TFCP2: variants seen among roughly 807,000 people sequenced by gnomAD.
TFCP2 encodes the protein alpha-globin transcription factor CP2.
Under a neutral mutation model 73.4 loss-of-function variants are expected in TFCP2, and 33 were observed. The ratio of observed to expected loss-of-function variants is 0.45; its 90% CI spans 0.34 to 0.60. The LOEUF is 0.60. TFCP2 is among the 20% of genes least tolerant of loss of function. TFCP2 has a pLI of 0.01. For synonymous variants in TFCP2, 193 were observed against 211.6 expected (o/e 0.91, Z 0.76); for missense variants, 352 against 604.0 (o/e 0.58, Z 4.37).
chr12:51,117,572 C>A, intron 3 of TFCP2, 99 bp downstream of exon 3: 1 of 877,898 alleles, frequency 1.1e-6, no homozygotes, highest in Non-Finnish European at 1.8e-6. Context: ...TACCATTAAG[C>A]CATTGGAAGC....
chr12:51,106,648 C>A, intron 7 of TFCP2, 35 bp from the exon 8 acceptor site: 4 of 1,537,810 alleles, frequency 2.6e-6, no homozygotes, highest in Non-Finnish European at 3.6e-6. Flanking sequence ...AATGAACGAG[C>A]ACATATGACC....
intron 11 of TFCP2, 94 bp from the exon 12 acceptor site, chr12:51,099,873 G>C (rs1940067633): frequency 6.9e-7 from 1 of 1,453,214 alleles, no homozygotes; most frequent in Non-Finnish European, 9.2e-7. Flanking sequence ...TAATCGTATA[G>C]AGCAGATGAA....
chr12:51,096,800 G>A (rs1939974473), intron 13 of TFCP2, among the ~76,000 whole-genome samples: 1 of 151,734 alleles, frequency 6.6e-6, no homozygotes, highest in Non-Finnish European at 1.5e-5. Context: ...TATATCTAGA[G>A]GAAAAAAACA....
chr12:51,124,685 C>G (rs776139795), intron 1 of TFCP2: 1 of 639,280 alleles, frequency 1.6e-6, no homozygotes, highest in Non-Finnish European at 2.9e-6. Flanking sequence ...GGCCGTCCCC[C>G]GCGGTGGCCA....
intron 4 of TFCP2, among the ~76,000 whole-genome samples, chr12:51,114,854 GA>G (rs1175958441): frequency 6.6e-6 from 1 of 151,552 alleles, no homozygotes; most frequent in Admixed American, 6.6e-5. Context: ...AAGAGGTCAA[GA>G]GATTGAGACT....
At chr12:51,133,882 A>G (rs972573791) in intron 1 of TFCP2, among the ~76,000 whole-genome samples, 1 of 149,284 alleles carries the variant, frequency 6.7e-6, no homozygotes, top group African/African-American at 2.5e-5. Flanking sequence ...TGATTGCACC[A>G]CTGCACTCCA....
intron 1 of TFCP2, chr12:51,124,966 C>T (rs764655687): frequency 9.4e-6 from 7 of 745,010 alleles, no homozygotes; most frequent in African/African-American, 6.8e-5. Context: ...TCGTTGCTCA[C>T]CTGCCTGGAG....
Position 51,094,960 on chromosome 12 carries a change from A to G in TFCP2, c.*281T>C, listed in dbSNP as rs559487557. 8 of 458,718 alleles carry G rather than the reference A, an allele frequency of 1.7e-5. No individual in the cohort carries two copies. In the East Asian group the frequency reaches 2.7e-4, roughly 15 times the overall value. The allele number at this position is 458,718 out of a possible 1,614,324, so 28.4% of individuals were successfully genotyped here. ...CATCATTATGCCCTACATACACTCT[A>G]AATTATGTAGAGTTTCTACTGATAT... On this transcript the variant is annotated 3_prime_UTR_variant, in exon 15 of 15. Coordinates refer to ENST00000257915, the MANE Select transcript of TFCP2 (RefSeq NM_005653.5).
At chr12:51,162,988 G>C (rs1320139480) in intron 1 of TFCP2, 5 of 152,166 alleles carry the variant, frequency 3.3e-5, no homozygotes, top group Non-Finnish European at 7.3e-5. Context: ...ATGCAAATTT[G>C]TGAAGCATTC....
At chr12:51,125,188 C>A in intron 1 of TFCP2, 1 of 681,800 alleles carries the variant, frequency 1.5e-6, no homozygotes, top group Non-Finnish European at 2.7e-6. Context: ...ATGATTGGTA[C>A]ATTACGTGGT....
chr12:51,125,923 C>T (rs1940804370), intron 1 of TFCP2, among the ~76,000 whole-genome samples: 2 of 152,096 alleles, frequency 1.3e-5, no homozygotes, highest in East Asian at 1.9e-4. Context: ...TGGTGAAACC[C>T]CGCCTCTACT....
At chr12:51,133,418 C>T (rs1940996000) in intron 1 of TFCP2, among the ~76,000 whole-genome samples, 1 of 152,110 alleles carries the variant, frequency 6.6e-6, no homozygotes, top group Non-Finnish European at 1.5e-5. Flanking sequence ...CATCCTCCCA[C>T]CTCAGCCTCC....
intron 2 of TFCP2, 72 bp downstream of exon 2, chr12:51,118,545 AAAAC>A (rs536617152): frequency 1.4e-4 from 217 of 1,547,092 alleles, no homozygotes; most frequent in South Asian, 3.8e-4. Flanking sequence ...ACGCCGTCTC[AAAAC>A]AAACAAACAA....
Position 51,148,705 on chromosome 12 carries a change from A to G in TFCP2, c.122+23596T>C, listed in dbSNP as rs184398526. Among the ~76,000 whole-genome samples the G allele has an allele frequency of 9.6e-3, 1,432 of 148,920 alleles. 67 individuals are homozygous for G. In the East Asian group the frequency reaches 0.13, roughly 14 times the overall value. On this transcript the variant is annotated intron_variant, in intron 1 of 14. Transcript: ENST00000257915. ...ACAGAGTGAGACTCTGTCTCAAAAAAAAAAAAAAAAGAAAAAGAAAAGAAA... is the reference window on the plus strand; with the variant it reads ...ACAGAGTGAGACTCTGTCTCAAAAAGAAAAAAAAAAGAAAAAGAAAAGAAA...
intron 10 of TFCP2, 43 bp downstream of exon 10, chr12:51,103,627 A>C (rs770618527): frequency 2.2e-5 from 35 of 1,556,242 alleles, no homozygotes; most frequent in African/African-American, 1.4e-5. Context: ...AATGCAAAGG[A>C]AAATTTCATG....
chr12:51,098,989 G>C (rs1391016008), intron 12 of TFCP2, 71 bp from the exon 13 acceptor site: 4 of 1,518,264 alleles, frequency 2.6e-6, no homozygotes, highest in Admixed American at 1.9e-5. Flanking sequence ...TGATCACTAG[G>C]AATGCCCACT....
At chr12:51,117,481 T>C (rs12810700) in intron 3 of TFCP2, among the ~76,000 whole-genome samples, 190 bp downstream of exon 3, 23,889 of 152,156 alleles carry the variant, frequency 0.16, 2,238 homozygotes, top group South Asian at 0.26. Context: ...AAAATTCATG[T>C]GAATACTGGG....
intron 1 of TFCP2, among the ~76,000 whole-genome samples, chr12:51,138,867 A>G (rs1941124243): frequency 6.6e-6 from 1 of 150,584 alleles, no homozygotes; most frequent in Admixed American, 6.6e-5. Context: ...CGAACTCCCA[A>G]CCTCAGGTGA....
chr12:51,144,639 G>T (rs938589902), intron 1 of TFCP2, among the ~76,000 whole-genome samples: 1 of 152,136 alleles, frequency 6.6e-6, no homozygotes, highest in African/African-American at 2.4e-5. Flanking sequence ...AATGGAATTG[G>T]AGCCTTAGCA....
Sources: allele counts gnomAD v4.1 joint callset (sites outside exome capture counted in the v4.1 genomes callset), GRCh38; gene constraint gnomAD v4.1.1; transcripts MANE v1.5; gene names NCBI Gene and HGNC (gene_info 2026-07-23, HGNC 2026-07-21).